PCDHGA12: variants seen among roughly 807,000 people sequenced by gnomAD.
PCDHGA12 encodes the protein protocadherin gamma subfamily A, 12, also known as protocadherin gamma-A12.
A neutral mutation model predicts 61.1 loss-of-function variants in PCDHGA12; 43 were observed. The ratio of observed to expected loss-of-function variants is 0.70; its 90% CI spans 0.55 to 0.91. The LOEUF is 0.91. Among genes scored for constraint, PCDHGA12 ranks in the 40% least tolerant of loss-of-function variants. The pLI is 0.00. For synonymous variants in PCDHGA12, 520 were observed against 542.9 expected (o/e 0.96, Z 0.59); for missense variants, 1,236 against 1,227.7 (o/e 1.01, Z -0.10).
chr5:141,431,206 G>A lies in PCDHGA12; in HGVS notation c.447G>A (p.Glu149=), dbSNP rs17097300. The change falls in exon 1 of 4, where the codon GAG becomes GAA. Residue 149 remains glutamate, a synonymous_variant. Coordinates refer to ENST00000252085, the MANE Select transcript of PCDHGA12 (RefSeq NM_003735.3). The surrounding 1 kb of genome is among the most constrained non-coding windows in gnomAD (Gnocchi z 4.8). The part of the protein sequence containing the change: ...EIKISENAAT[E]MRFPLPHAWD... ...AAATTAGTGAAAATGCAGCCACTGA[G>A]ATGCGGTTCCCTCTACCCCACGCCT... The A allele has an allele frequency of 0.041, 66,767 of 1,614,172 alleles. 3,763 individuals carry two copies. Among genetic ancestry groups the A allele is most frequent in the Admixed American group, 0.27 (16,026 of 60,028 alleles).
chr5:141,491,508 G>T lies in PCDHGA12; in HGVS notation c.2425-3299G>T. 1 of 1,614,030 alleles carries T rather than the reference G, an allele frequency of 6.2e-7. No homozygotes were observed. Among genetic ancestry groups the T allele is most frequent in the Non-Finnish European group, 8.5e-7 (1 of 1,180,014 alleles). ...ACCTGCAGGTGAGCTCGGACGGCACGCTCAAGTACATGGAGGTGACGCTGC... is the reference window on the plus strand; with the variant it reads ...ACCTGCAGGTGAGCTCGGACGGCACTCTCAAGTACATGGAGGTGACGCTGC... On this transcript the variant is annotated intron_variant, in intron 1 of 3. Transcript: ENST00000252085. The surrounding 1 kb of genome is among the most constrained non-coding windows in gnomAD (Gnocchi z 6.9).
chr5:141,509,233 AG>A (rs1204393769), intron 3 of PCDHGA12, among the ~76,000 whole-genome samples: 1 of 152,104 alleles, frequency 6.6e-6, no homozygotes, highest in Non-Finnish European at 1.5e-5. Context: ...TTGATGTCCC[AG>A]GATTACTCAG....
Position 141,476,024 on chromosome 5 carries a change from C to T in PCDHGA12, c.2425-18783C>T. ...ATCCAGAAAGCCATGTCGGACTCGG[C>T]GCCCAGCGCCCAAGCGCTAACCCGC... On this transcript the variant is annotated intron_variant, in intron 1 of 3. Coordinates refer to ENST00000252085, the MANE Select transcript of PCDHGA12 (RefSeq NM_003735.3). The surrounding 1 kb of genome is among the most constrained non-coding windows in gnomAD (Gnocchi z 7.6). The T allele has an allele frequency of 1.4e-6, 2 of 1,416,548 alleles. No individual in the cohort carries two copies. Among genetic ancestry groups the T allele is most frequent in the Non-Finnish European group, 9.5e-7 (1 of 1,058,066 alleles). 87.7% of individuals were successfully genotyped at this position (1,416,548 alleles called of 1,614,324 possible).
Position 141,486,276 on chromosome 5 carries a change from T to C in PCDHGA12, c.2425-8531T>C. The C allele has an allele frequency of 1.2e-6, 2 of 1,613,980 alleles. No homozygotes were observed. The highest frequency in any genetic ancestry group is 1.7e-6 in the Non-Finnish European group (2 of 1,179,974). On this transcript the variant is annotated intron_variant, in intron 1 of 3. Coordinates refer to ENST00000252085, the MANE Select transcript of PCDHGA12 (RefSeq NM_003735.3). The surrounding 1 kb of genome is among the most constrained non-coding windows in gnomAD (Gnocchi z 5.0). ...CCCGAGAGTGCAGAACCTGGCACTG[T>C]GGTGGCACTTATCAGTGTGCAGGAT...
intron 1 of PCDHGA12, among the ~76,000 whole-genome samples, chr5:141,455,146 A>G (rs2098814943): frequency 6.7e-6 from 1 of 149,242 alleles, no homozygotes; most frequent in South Asian, 2.1e-4. Flanking sequence ...TGTTAAATAA[A>G]TATTAGTTTG....
chr5:141,443,254 G>A (rs185181143), intron 1 of PCDHGA12, among the ~76,000 whole-genome samples: 30 of 152,006 alleles, frequency 2.0e-4, no homozygotes, highest in Admixed American at 1.6e-3. Context: ...GCCAAGGCGG[G>A]TGGATCACTT....
At chr5:141,478,498 G>T in intron 1 of PCDHGA12, 1 of 1,612,710 alleles carries the variant, frequency 6.2e-7, no homozygotes, top group South Asian at 1.1e-5. Context: ...GCTGTGATCC[G>T]GTGTTCTATA....
intron 1 of PCDHGA12, among the ~76,000 whole-genome samples, chr5:141,466,036 G>C (rs981390655): frequency 1.3e-5 from 2 of 152,064 alleles, no homozygotes; most frequent in Non-Finnish European, 2.9e-5. Context: ...GCAGGAGAAC[G>C]GCATGAACCC....
intron 3 of PCDHGA12, among the ~76,000 whole-genome samples, chr5:141,510,048 G>GTGAT (rs1392197406): frequency 1.3e-5 from 2 of 152,192 alleles, no homozygotes; most frequent in Non-Finnish European, 2.9e-5. Context: ...GAGGTTAAAA[G>GTGAT]TGATTGTGCA....
Position 141,489,429 on chromosome 5 carries a change from G to A in PCDHGA12, c.2425-5378G>A. 1 of 1,614,140 alleles carries A rather than the reference G, an allele frequency of 6.2e-7. No individual in the cohort carries two copies. Among genetic ancestry groups the A allele is most frequent in the Non-Finnish European group, 8.5e-7 (1 of 1,180,036 alleles). ...AGATGACAGATCTGTTGAGCCGGCG[G>A]CTGCAATTGGGCTCTGAGGAGAATG... On this transcript the variant is annotated intron_variant, in intron 1 of 3. Transcript: ENST00000252085. The surrounding 1 kb of genome is among the most constrained non-coding windows in gnomAD (Gnocchi z 4.5).
rs755936344 is a variant in PCDHGA12, at chr5:141,490,704, C to T, written c.2425-4103C>T. ...ATCCAGACACTGGGGATAATGCCCG[C>T]CTCACCTACTCCATTGTAGGAAATC... On this transcript the variant is annotated intron_variant, in intron 1 of 3. Transcript: ENST00000252085. The surrounding 1 kb of genome is among the most constrained non-coding windows in gnomAD (Gnocchi z 5.4). 6.2e-7 allele frequency: 1 copy of T among 1,614,166 alleles called. No homozygotes were observed.
At chr5:141,448,074 G>A (rs1008235342) in intron 1 of PCDHGA12, among the ~76,000 whole-genome samples, 3 of 151,152 alleles carry the variant, frequency 2.0e-5, no homozygotes, top group Admixed American at 1.3e-4. Context: ...CAACATGAAC[G>A]AAATGCCATC....
Position 141,490,760 on chromosome 5 carries a change from T to G in PCDHGA12, c.2425-4047T>G. 1 of 1,614,070 alleles carries G rather than the reference T, an allele frequency of 6.2e-7. No individual in the cohort carries two copies. On this transcript the variant is annotated intron_variant, in intron 1 of 3. Coordinates refer to ENST00000252085, the MANE Select transcript of PCDHGA12 (RefSeq NM_003735.3). This position sits in a 1 kb window ranked among gnomAD's most constrained non-coding sequence, Gnocchi z 5.4. Reference sequence around the variant, plus strand: ...CAGGGAGCCCCAGCCTCCTCCTTTGTGTATGTCAACCCAGAGGATGGACGG... The same window carrying G: ...CAGGGAGCCCCAGCCTCCTCCTTTGGGTATGTCAACCCAGAGGATGGACGG...
At chr5:141,498,803 C>T (rs916966107) in intron 2 of PCDHGA12, among the ~76,000 whole-genome samples, 5 of 151,982 alleles carry the variant, frequency 3.3e-5, no homozygotes, top group African/African-American at 1.2e-4. Flanking sequence ...TGTGGTGGTG[C>T]ACACCTGTAG....
rs2099624499 is a variant in PCDHGA12, at chr5:141,486,100, C to A, written c.2425-8707C>A. The A allele has an allele frequency of 6.2e-7, 1 of 1,614,072 alleles. No homozygotes were observed. The highest frequency in any genetic ancestry group is 1.3e-5 in the African/African-American group (1 of 74,930). ...AGCTTACTCTTTTGGGGCCCCTAGA[C>A]TTTGAGAGTGAGAATTACTATGAAT... On this transcript the variant is annotated intron_variant, in intron 1 of 3. Coordinates refer to ENST00000252085, the MANE Select transcript of PCDHGA12 (RefSeq NM_003735.3). This position sits in a 1 kb window ranked among gnomAD's most constrained non-coding sequence, Gnocchi z 5.0.
rs1482322150 is a variant in PCDHGA12, at chr5:141,485,119, C to T, written c.2425-9688C>T. On this transcript the variant is annotated intron_variant, in intron 1 of 3. Transcript: ENST00000252085. This position sits in a 1 kb window ranked among gnomAD's most constrained non-coding sequence, Gnocchi z 5.7. ...CTCCAGCTGCTGTGGCTGTTTGGGGCGGGTCGGCTTCATCCGCGTCTCAGG... is the reference window on the plus strand; with the variant it reads ...CTCCAGCTGCTGTGGCTGTTTGGGGTGGGTCGGCTTCATCCGCGTCTCAGG... 9.8e-6 allele frequency: 13 copies of T among 1,328,806 alleles called. No individual in the cohort carries two copies. The East Asian group carries it at 1.8e-4, about 19-fold the overall frequency. 82.3% of individuals were successfully genotyped at this position (1,328,806 alleles called of 1,614,324 possible). A position where few individuals can be genotyped will look rare whatever the true frequency, so the allele number is the denominator to read the frequency against.
At chr5:141,500,184 T>TTATA (rs530565701) in intron 2 of PCDHGA12, among the ~76,000 whole-genome samples, 2 of 135,886 alleles carry the variant, frequency 1.5e-5, no homozygotes, top group Non-Finnish European at 3.2e-5. Flanking sequence ...TCATTTTTAT[T>TTATA]TTTATTTATT....
chr5:141,486,090 G>T lies in PCDHGA12; in HGVS notation c.2425-8717G>T, dbSNP rs190955361. 2.5e-6 allele frequency: 4 copies of T among 1,614,086 alleles called. No individual in the cohort carries two copies. In the East Asian group the frequency reaches 8.9e-5, roughly 36 times the overall value. On this transcript the variant is annotated intron_variant, in intron 1 of 3. Transcript: ENST00000252085. This position sits in a 1 kb window ranked among gnomAD's most constrained non-coding sequence, Gnocchi z 5.0. Reference sequence around the variant, plus strand: ...ACTACTGGAAAGCTTACTCTTTTGGGGCCCCTAGACTTTGAGAGTGAGAAT... The same window carrying T: ...ACTACTGGAAAGCTTACTCTTTTGGTGCCCCTAGACTTTGAGAGTGAGAAT...
At chr5:141,459,693 C>A (rs1014443574) in intron 1 of PCDHGA12, among the ~76,000 whole-genome samples, 1 of 152,210 alleles carries the variant, frequency 6.6e-6, no homozygotes, top group African/African-American at 2.4e-5. Flanking sequence ...AAGCGTTCCG[C>A]TTGCTACATT....
Sources: allele counts gnomAD v4.1 joint callset (sites outside exome capture counted in the v4.1 genomes callset), GRCh38; gene constraint gnomAD v4.1.1; non-coding constraint Gnocchi (gnomAD v3.1); transcripts MANE v1.5; gene names NCBI Gene and HGNC (gene_info 2026-07-23, HGNC 2026-07-21).